TSFM: variants seen among roughly 807,000 people sequenced by gnomAD.
The protein encoded by TSFM is Ts translation elongation factor, mitochondrial.
TSFM carries 29 observed loss-of-function variants against 33.4 expected under a neutral mutation model. The observed-to-expected ratio is 0.87, with a 90% confidence interval of 0.65 to 1.18. The LOEUF (loss-of-function observed/expected upper bound fraction) is 1.18, where lower values mean the gene tolerates loss of function less well. TSFM is among the 50% of genes most tolerant of loss of function. TSFM has a pLI of 0.00. For synonymous variants in TSFM, 178 were observed against 163.5 expected, an observed-to-expected ratio of 1.09 and a Z score of -0.68; for missense variants, 394 against 395.6, an observed-to-expected ratio of 1.00 and a Z score of 0.04.
downstream of TSFM, among the ~76,000 whole-genome samples, chr12:57,801,921 T>C (rs537918826): frequency 2.0e-5 from 3 of 152,344 alleles, no homozygotes; most frequent in African/African-American, 4.8e-5. Context: ...GGATATACTT[T>C]ATAAACTGTT....
chr12:57,793,548 C>T (rs534490912), intron 5 of TSFM, among the ~76,000 whole-genome samples: 10 of 152,284 alleles, frequency 6.6e-5, no homozygotes, highest in East Asian at 3.9e-4. Context: ...AGAGCTCATA[C>T]GCTGCTGGAG....
chr12:57,801,026 G>T, downstream of TSFM: 1 of 760,842 alleles, frequency 1.3e-6, no homozygotes, highest in Non-Finnish European at 2.1e-6. Flanking sequence ...CATCAAAACA[G>T]ACAACTATGG....
chr12:57,799,682 T>G (rs1955806766), downstream of TSFM: 6 of 1,449,042 alleles, frequency 4.1e-6, no homozygotes, highest in Non-Finnish European at 5.6e-6. Flanking sequence ...GTAGCTCAGA[T>G]GTCCATTGAG....
intron 5 of TSFM, among the ~76,000 whole-genome samples, chr12:57,795,169 G>A (rs1420380168): frequency 6.7e-6 from 1 of 150,018 alleles, no homozygotes; most frequent in Non-Finnish European, 1.5e-5. Flanking sequence ...GCATGATCTC[G>A]CTCGCTGTAA....
In TSFM at chr12:57,783,209, C is replaced by T. The variant is rs772902135; in HGVS notation, c.157C>T (p.Leu53=). 1.2e-6 allele frequency: 2 copies of T among 1,613,810 alleles called. No homozygotes were observed. Among genetic ancestry groups the T allele is most frequent in the South Asian group, 1.1e-5 (1 of 91,086 alleles). ...CTCCAGCAAGGAGCTCCTCATGAAG[C>T]TGCGGCGGAAAACAGGCTACTCCTT... is the stretch of plus-strand genomic sequence containing the variant. The part of the protein sequence containing the change: ...SASSKELLMK[L]RRKTGYSFVN... The change falls in exon 2 of 6, where the codon CTG becomes TTG. Residue 53 remains leucine (L), a synonymous_variant. Transcript: ENST00000652027.
downstream of TSFM, chr12:57,799,949 G>A (rs1483965775): frequency 1.2e-6 from 2 of 1,613,118 alleles, no homozygotes; most frequent in South Asian, 1.1e-5. Context: ...TAGGCACAGG[G>A]AAAAGACTCC....
chr12:57,799,955 A>C, downstream of TSFM: 5 of 1,612,188 alleles, frequency 3.1e-6, no homozygotes, highest in Non-Finnish European at 4.2e-6. Flanking sequence ...CAGGGAAAAG[A>C]CTCCTCAGTG....
rs57561819 is a variant in TSFM at position 57,797,541 on chromosome 12, C to G, written c.*958C>G. 1.6e-3 allele frequency: 1,486 copies of G among 933,042 alleles called. 18 individuals are homozygous for G. In the African/African-American group the frequency reaches 0.025, roughly 16 times the overall value. The allele number at this position is 933,042 out of a possible 1,614,324, so 57.8% of individuals were successfully genotyped here. A position where few individuals can be genotyped will look rare whatever the true frequency, so the allele number is the denominator to read the frequency against. ...TTAAAATTGAAAACAAAGGTAGGTC[C>G]TGGTATAATATTAAACATAAAGTTA... is the stretch of plus-strand genomic sequence containing the variant. On this transcript the variant is annotated 3_prime_UTR_variant, in exon 6 of 6. Transcript: ENST00000652027.
At position 57,783,062 on chromosome 12, in the gene TSFM, C is replaced by G. The variant is rs147016252; in HGVS notation, c.58-48C>G. The G allele has an allele frequency of 1.1e-4, 180 of 1,576,184 alleles. No individual in the cohort carries two copies. In the African/African-American group the frequency reaches 2.3e-3, roughly 20 times the overall value. ...TCCCTGCCCGTGTACCCTTCACCCT[C>G]TGGAGTTTGCTGCTTCCTGCTCCTC... On this transcript the variant is annotated intron_variant, in intron 1 of 5. Transcript: ENST00000652027.
intron 4 of TSFM, among the ~76,000 whole-genome samples, chr12:57,791,158 C>T (rs1040621076): frequency 1.7e-4 from 25 of 150,784 alleles, no homozygotes; most frequent in Non-Finnish European, 2.5e-4. Flanking sequence ...TATAGGTGCC[C>T]GCCACCACAC....
At position 57,796,435 on chromosome 12, in the gene TSFM, G is replaced by T. The variant is rs749131144; in HGVS notation, c.830G>T (p.Gly277Val). Residue 277 changes from glycine (G) to valine (V), a missense_variant, in exon 6 of 6, where the codon GGA becomes GTA. Coordinates refer to ENST00000652027, the MANE Select transcript of TSFM (RefSeq NM_005726.6). Reference sequence around the variant, plus strand: ...GGCTCCCTGGACGATGAGCCTGGGGGAGAGGCAGAGACTAAGATGCTGTCC... The same window carrying T: ...GGCTCCCTGGACGATGAGCCTGGGGTAGAGGCAGAGACTAAGATGCTGTCC... ...SVGSLDDEPG[G>V]EAETKMLSQP... 2 of 1,601,512 alleles carry T rather than the reference G, an allele frequency of 1.2e-6. No individual in the cohort carries two copies. The highest frequency in any genetic ancestry group is 2.7e-5 in the African/African-American group (2 of 74,732).
downstream of TSFM, chr12:57,797,949 CTTG>C: frequency 6.2e-7 from 1 of 1,613,328 alleles, no homozygotes; most frequent in Non-Finnish European, 8.5e-7. Flanking sequence ...AAATTGCCCT[CTTG>C]TGATGCCAAA....
intron 4 of TSFM, among the ~76,000 whole-genome samples, chr12:57,790,505 A>G (rs1296843431): frequency 6.6e-6 from 1 of 152,194 alleles, no homozygotes; most frequent in African/African-American, 2.4e-5. Flanking sequence ...ATGTACTCAT[A>G]TGTACTAAGT....
chr12:57,799,967 C>CTT (rs1955814260), downstream of TSFM: 1 of 1,608,896 alleles, frequency 6.2e-7, no homozygotes, highest in African/African-American at 1.3e-5. Flanking sequence ...TCCTCAGTGT[C>CTT]TGTGTGGTTA....
At chr12:57,802,207 G>C, downstream of TSFM, 1 of 1,614,064 alleles carries the variant, frequency 6.2e-7, no homozygotes, top group Non-Finnish European at 8.5e-7. Context: ...GTGAAGATGG[G>C]AGGCTCAAAC....
chr12:57,794,833 C>T (rs1353755405), intron 5 of TSFM, among the ~76,000 whole-genome samples: 2 of 150,360 alleles, frequency 1.3e-5, no homozygotes, highest in Non-Finnish European at 3.0e-5. Context: ...AATCTCGGCT[C>T]ACTGCAAGCT....
intron 4 of TSFM, among the ~76,000 whole-genome samples, chr12:57,789,782 A>G (rs1048911250): frequency 6.6e-5 from 10 of 152,236 alleles, no homozygotes; most frequent in Non-Finnish European, 1.0e-4. Context: ...ATTTTATACA[A>G]TAAGTTATAA....
At chr12:57,797,692 AT>A, downstream of TSFM, 2 of 715,636 alleles carry the variant, frequency 2.8e-6, no homozygotes, top group East Asian at 4.4e-5. Flanking sequence ...TATGGTTAAC[AT>A]TTTAGGTATA....
downstream of TSFM, chr12:57,797,673 C>A: frequency 1.4e-6 from 1 of 733,324 alleles, no homozygotes; most frequent in Non-Finnish European, 1.8e-6. Context: ...CCACAAAACC[C>A]AAAAACTATA....
Sources: allele counts gnomAD v4.1 joint callset (sites outside exome capture counted in the v4.1 genomes callset), GRCh38; gene constraint gnomAD v4.1.1; transcripts MANE v1.5; gene names NCBI Gene and HGNC (gene_info 2026-07-23, HGNC 2026-07-21).